AGXT2: variants seen among roughly 807,000 people sequenced by gnomAD.
The protein encoded by AGXT2 is alanine--glyoxylate aminotransferase 2, mitochondrial.
In AGXT2, 61 loss-of-function variants were observed where a neutral mutation model predicts 62.5. That is an observed-to-expected ratio of 0.98 (90% CI 0.79 to 1.21). AGXT2 has a LOEUF of 1.21. AGXT2 is among the 50% of genes most tolerant of loss of function. The pLI, the probability that AGXT2 is intolerant of heterozygous loss-of-function variation, is 0.00. For synonymous variants in AGXT2, 243 were observed against 218.7 expected, an observed-to-expected ratio of 1.11 and a Z score of -0.98; for missense variants, 666 against 641.5, an observed-to-expected ratio of 1.04 and a Z score of -0.41.
intron 13 of AGXT2, among the ~76,000 whole-genome samples, chr5:35,000,735 G>A (rs1050767796): frequency 6.6e-6 from 1 of 152,168 alleles, no homozygotes; most frequent in Admixed American, 6.5e-5. Flanking sequence ...ATCTCACTGA[G>A]CTTCTCATCT....
At chr5:35,040,699 A>G (rs1014961472) in intron 1 of AGXT2, 36 bp from the exon 2 acceptor site, 4 of 1,514,278 alleles carry the variant, frequency 2.6e-6, no homozygotes, top group South Asian at 2.2e-5. Flanking sequence ...TCAACTAAGC[A>G]TGACATAGGT....
intron 4 of AGXT2, 72 bp downstream of exon 4, chr5:35,036,870 T>C: frequency 6.2e-7 from 1 of 1,606,350 alleles, no homozygotes; most frequent in Non-Finnish European, 8.5e-7. Flanking sequence ...GACTCCTGTC[T>C]CTTTGAGCTG....
chr5:35,012,655 C>T (rs1340876158), intron 11 of AGXT2: 4 of 385,544 alleles, frequency 1.0e-5, no homozygotes, highest in African/African-American at 8.2e-5. Flanking sequence ...TAGCAGTTAA[C>T]ATCTATAAAT....
intron 1 of AGXT2, among the ~76,000 whole-genome samples, chr5:35,040,905 C>T (rs186394840): frequency 1.2e-3 from 182 of 152,164 alleles, no homozygotes; most frequent in Non-Finnish European, 1.9e-3. Flanking sequence ...CCCTCACAAA[C>T]TTGGGAGGCT....
chr5:35,009,967 G>A lies in AGXT2; in HGVS notation c.1338+33C>T. On this transcript the variant is annotated intron_variant, in intron 12 of 13. Coordinates refer to ENST00000231420, the MANE Select transcript of AGXT2 (RefSeq NM_031900.4). ...CTCCTATATCTCCTGCTGGCTCCAA[G>A]CAGCTGAGAGAGAGGGGCAGATTAG... 5 of 1,613,900 alleles carry A rather than the reference G, an allele frequency of 3.1e-6. No homozygotes were observed. In the South Asian group the frequency reaches 3.3e-5, roughly 11 times the overall value.
intron 9 of AGXT2, among the ~76,000 whole-genome samples, chr5:35,019,027 T>A (rs1766961318): frequency 9.7e-6 from 1 of 102,986 alleles, no homozygotes; most frequent in South Asian, 3.0e-4. Flanking sequence ...GAGCTAACTA[T>A]CCTAAATATA....
chr5:35,039,374 G>A lies in AGXT2; in HGVS notation c.312C>T (p.Tyr104=). Residue 104 remains tyrosine (Y), a synonymous_variant, in exon 3 of 14, where the codon TAC becomes TAT. Transcript: ENST00000231420. ...EWLFDAEGSR[Y]LDFFSGIVTV... ...TAACAATCCCGGAAAAGAAATCCAG[G>A]TATCTGCTTCCTTCAGCATCAAAGA... 4.3e-6 allele frequency: 7 copies of A among 1,614,146 alleles called. No individual in the cohort carries two copies. Among genetic ancestry groups the A allele is most frequent in the Non-Finnish European group, 5.9e-6 (7 of 1,179,966 alleles).
chr5:35,045,470 A>G (rs771811609), intron 1 of AGXT2, among the ~76,000 whole-genome samples: 2 of 152,144 alleles, frequency 1.3e-5, no homozygotes, highest in Non-Finnish European at 2.9e-5. Context: ...ATTTATGTCT[A>G]TCTCCTTCCT....
intron 12 of AGXT2, 88 bp downstream of exon 12, chr5:35,009,912 T>G: frequency 4.5e-6 from 7 of 1,564,960 alleles, no homozygotes; most frequent in Non-Finnish European, 5.3e-6. Flanking sequence ...GCTCTCTCCT[T>G]GAGAGTAAAT....
At chr5:35,031,093 C>A (rs562773844) in intron 7 of AGXT2, among the ~76,000 whole-genome samples, 62 of 152,212 alleles carry the variant, frequency 4.1e-4, no homozygotes, top group Non-Finnish European at 7.8e-4. Context: ...TCAGTCCTGG[C>A]CTGTGGAATA....
chr5:35,032,508 T>C (rs530871956), intron 7 of AGXT2, among the ~76,000 whole-genome samples: 3 of 152,352 alleles, frequency 2.0e-5, no homozygotes, highest in Admixed American at 6.5e-5. Context: ...TAGCGTGAGA[T>C]GCTTTTCCTA....
At chr5:35,010,360 C>T (rs975827628) in intron 11 of AGXT2, among the ~76,000 whole-genome samples, 1 of 152,168 alleles carries the variant, frequency 6.6e-6, no homozygotes, top group Non-Finnish European at 1.5e-5. Flanking sequence ...CCCCAACTCC[C>T]TCACCTTCAG....
At position 35,003,802 on chromosome 5, in the gene AGXT2, G is replaced by A; in HGVS notation, c.1398C>T (p.His466=). The A allele has an allele frequency of 2.5e-6, 4 of 1,614,226 alleles. No homozygotes were observed. Among genetic ancestry groups the A allele is most frequent in the Non-Finnish European group, 3.4e-6 (4 of 1,180,044 alleles). ...TGCCTCTGCCAACGAGGAGTCCCAT[G>A]TGCTTGCAGTCCTCATGGATCTGAT... is the stretch of plus-strand genomic sequence containing the variant. ...EVNQIHEDCK[H]MGLLVGRGSI... is the part of the protein sequence containing the mutation. The change falls in exon 13 of 14, where the codon CAC becomes CAT. Residue 466 remains histidine, a synonymous_variant. Transcript: ENST00000231420.
rs575261407 is a variant in AGXT2 at position 35,009,081 on chromosome 5, G to A, written c.1338+919C>T. 9.2e-5 allele frequency among the ~76,000 whole-genome samples: 14 copies of A among 152,302 alleles called. No individual in the cohort carries two copies. The South Asian group carries it at 2.7e-3, about 29-fold the overall frequency. ...TGTGCTATTGAGGCTGAGTAATTGG[G>A]AGAACGGTGGAGTGTGAGAAACAAA... is the stretch of plus-strand genomic sequence containing the variant. On this transcript the variant is annotated intron_variant, in intron 12 of 13. Transcript: ENST00000231420.
rs112126289 is a variant in AGXT2 at position 35,037,497 on chromosome 5, T to G, written c.363-432A>C. ...AAGCACATGTATGCCAGATCAGTAG[T>G]TCTTCCCTCCCTCCCTCCCTTCCCC... On this transcript the variant is annotated intron_variant, in intron 3 of 13. Coordinates refer to ENST00000231420, the MANE Select transcript of AGXT2 (RefSeq NM_031900.4). 2.4e-3 allele frequency among the ~76,000 whole-genome samples: 370 copies of G among 152,156 alleles called. 1 individual carries two copies. The highest frequency in any genetic ancestry group is 8.4e-3 in the African/African-American group (350 of 41,494).
At chr5:35,010,204 G>A in intron 11 of AGXT2, 55 bp from the exon 12 acceptor site, 1 of 1,605,424 alleles carries the variant, frequency 6.2e-7, no homozygotes. Flanking sequence ...AAGATTGACT[G>A]AGAATCGTGG....
chr5:35,033,560 A>G lies in AGXT2; in HGVS notation c.582-7T>C. ...GCATCCATGGTAGGCTCCTCTGCAGAGAAGAAACAACAGGAGGATGGGGTC... is the reference window on the plus strand; with the variant it reads ...GCATCCATGGTAGGCTCCTCTGCAGGGAAGAAACAACAGGAGGATGGGGTC... On this transcript the variant is annotated splice_region_variant and splice_polypyrimidine_tract_variant and intron_variant, in intron 5 of 13. Coordinates refer to ENST00000231420, the MANE Select transcript of AGXT2 (RefSeq NM_031900.4). The G allele has an allele frequency of 1.2e-6, 2 of 1,611,218 alleles. No homozygotes were observed. Among genetic ancestry groups the G allele is most frequent in the South Asian group, 1.1e-5 (1 of 91,024 alleles).
At chr5:35,018,573 G>A (rs954282612) in intron 9 of AGXT2, among the ~76,000 whole-genome samples, 5 of 151,982 alleles carry the variant, frequency 3.3e-5, no homozygotes, top group African/African-American at 1.2e-4. Flanking sequence ...CCTGAAGGAA[G>A]CACTAAACAT....
Position 35,010,047 on chromosome 5 carries a change from C to A in AGXT2, c.1291G>T (p.Val431Phe). The A allele has an allele frequency of 6.2e-7, 1 of 1,614,202 alleles. No individual in the cohort carries two copies. Residue 431 changes from valine to phenylalanine, a missense_variant, in exon 12 of 14, where the codon GTC (valine) becomes TTC (phenylalanine). Transcript: ENST00000231420. ...CCTATCATGAGACCTTTGCCTCGGA[C>A]GTCTCCAACAATTTCAAATTCATCC... ...LRDEFEIVGD[V>F]RGKGLMIGIE...
Sources: allele counts gnomAD v4.1 joint callset (sites outside exome capture counted in the v4.1 genomes callset), GRCh38; gene constraint gnomAD v4.1.1; transcripts MANE v1.5; gene names NCBI Gene and HGNC (gene_info 2026-07-23, HGNC 2026-07-21).